TMEM132A: variants seen among roughly 807,000 people sequenced by gnomAD.
TMEM132A encodes the protein GRP78-binding protein.
A neutral mutation model predicts 69.9 loss-of-function variants in TMEM132A; 48 were observed. That is an observed-to-expected ratio of 0.69 (90% CI 0.55 to 0.87). TMEM132A has a LOEUF of 0.87. Ranked by LOEUF, TMEM132A falls within the 40% of genes least tolerant of loss-of-function variation. The pLI, the probability that TMEM132A is intolerant of heterozygous loss-of-function variation, is 0.00. For synonymous variants in TMEM132A, 577 were observed against 613.7 expected, an observed-to-expected ratio of 0.94 and a Z score of 0.88; for missense variants, 1,287 against 1,407.2, an observed-to-expected ratio of 0.91 and a Z score of 1.37.
rs761514858 is a variant in TMEM132A, at chr11:60,934,590, C to T, written c.1662C>T (p.Phe554=). Residue 554 remains phenylalanine, a synonymous_variant, in exon 9 of 11, where the codon TTC becomes TTT. Transcript: ENST00000453848. ...CCGGTGTGCGCTTCCTCGCCCCCTT[C>T]GCGGCCCACCCGCTGGACGGCGGCC... The part of the protein sequence containing the change: ...QRAGVRFLAP[F]AAHPLDGGRR... 1.9e-6 allele frequency: 3 copies of T among 1,562,794 alleles called. No homozygotes were observed. The highest frequency in any genetic ancestry group is 2.7e-5 in the African/African-American group (2 of 74,142).
chr11:60,924,842 G>A (rs1258604997), intron 1 of TMEM132A, 109 bp downstream of exon 1: 2 of 810,222 alleles, frequency 2.5e-6, no homozygotes, highest in Non-Finnish European at 1.8e-6. Context: ...AACCCTGAGC[G>A]GGGTCGCCCC....
chr11:60,927,386 C>T lies in TMEM132A; in HGVS notation c.283C>T (p.Arg95Trp), dbSNP rs773906622. Residue 95 changes from arginine (R) to tryptophan (W), a missense_variant, in exon 2 of 11, where the codon CGG becomes TGG. Arg to Trp is a moderately radical substitution (Grantham distance 101). Coordinates refer to ENST00000453848, the MANE Select transcript of TMEM132A (RefSeq NM_178031.3). ...CTGGCCCAGGGCCCAGCCACTTCTCCGGGCCTCCTACCCACCTTTTGCCAC... is the reference window on the plus strand; with the variant it reads ...CTGGCCCAGGGCCCAGCCACTTCTCTGGGCCTCCTACCCACCTTTTGCCAC... ...QPWPRAQPLL[R>W]ASYPPFATQQ... The T allele has an allele frequency of 5.3e-5, 85 of 1,613,188 alleles. No individual in the cohort carries two copies. The highest frequency in any genetic ancestry group is 3.7e-4 in the South Asian group (34 of 91,064).
chr11:60,927,140 G>A (rs1242096069), intron 1 of TMEM132A, 64 bp from the exon 2 acceptor site: 2 of 1,411,774 alleles, frequency 1.4e-6, no homozygotes, highest in Admixed American at 3.3e-5. Context: ...CCCCAGCATG[G>A]CACCCGGGTC....
rs1856564065 is a variant in TMEM132A, at chr11:60,935,186, G to A, written c.1837-66G>A. The A allele has an allele frequency of 1.1e-5, 16 of 1,481,928 alleles. No homozygotes were observed. Among genetic ancestry groups the A allele is most frequent in the South Asian group, 4.9e-5 (4 of 80,948 alleles). The allele number at this position is 1,481,928 out of a possible 1,614,324, so 91.8% of individuals were successfully genotyped here. A position where few individuals can be genotyped will look rare whatever the true frequency, so the allele number is the denominator to read the frequency against. Reference sequence around the variant, plus strand: ...GCCCGTGAGGGTGCTGGGAGCACCCGGTTCCCTCTGGGTGGGGGCTGTCTG... The same window carrying A: ...GCCCGTGAGGGTGCTGGGAGCACCCAGTTCCCTCTGGGTGGGGGCTGTCTG... On this transcript the variant is annotated intron_variant, in intron 9 of 10. Transcript: ENST00000453848. This position sits in a 1 kb window ranked among gnomAD's most constrained non-coding sequence, Gnocchi z 5.0.
chr11:60,931,401 C>T (rs1856477658), intron 5 of TMEM132A, among the ~76,000 whole-genome samples: 1 of 152,102 alleles, frequency 6.6e-6, no homozygotes, highest in African/African-American at 2.4e-5. Context: ...GGAAGCGGGC[C>T]CGGGCAGGCA....
At position 60,927,371 on chromosome 11, in the gene TMEM132A, G is replaced by A. The variant is rs76466797; in HGVS notation, c.268G>A (p.Ala90Thr). 29 of 1,611,728 alleles carry A rather than the reference G, an allele frequency of 1.8e-5. No homozygotes were observed. Among genetic ancestry groups the A allele is most frequent in the Non-Finnish European group, 2.3e-5 (27 of 1,179,808 alleles). Reference protein sequence around the residue: ...TFLLLQPWPRAQPLLRASYPP... With the variant: ...TFLLLQPWPRTQPLLRASYPP... ...TCTGCTCCTACAGCCCTGGCCCAGG[G>A]CCCAGCCACTTCTCCGGGCCTCCTA... The change falls in exon 2 of 11, where the codon GCC (alanine) becomes ACC (threonine). Residue 90 changes from alanine to threonine, a missense_variant. Transcript: ENST00000453848.
At position 60,936,249 on chromosome 11, in the gene TMEM132A, C is replaced by T. The variant is rs769409098; in HGVS notation, c.2414C>T (p.Thr805Ile). The T allele has an allele frequency of 1.2e-6, 2 of 1,614,040 alleles. No homozygotes were observed. The highest frequency in any genetic ancestry group is 1.7e-6 in the Non-Finnish European group (2 of 1,179,994). ...RQVAGSVGGNTGVRGKFERAE... is the reference protein window; with the variant it reads ...RQVAGSVGGNIGVRGKFERAE... The stretch of plus-strand genomic sequence containing the variant: ...GTGGCAGGCAGTGTCGGGGGCAACA[C>T]AGGTGTGAGGGGCAAGTTTGAGCGG... The change falls in exon 11 of 11, where the codon ACA becomes ATA. Residue 805 changes from threonine (T) to isoleucine (I), a missense_variant. Thr to Ile is a moderately conservative substitution (Grantham distance 89). Coordinates refer to ENST00000453848, the MANE Select transcript of TMEM132A (RefSeq NM_178031.3).
In TMEM132A at chr11:60,928,689, T is replaced by A; in HGVS notation, c.595T>A (p.Ser199Thr). ...TCCCTCGCACTGGTTCTCACAGGCC[T>A]CCACCACACGGGCCGAGCTGGCCTA... ...ELPSHWFSQA[S>T]TTRAELAYTL... Residue 199 changes from serine (S) to threonine (T), a missense_variant, in exon 4 of 11, where the codon TCC becomes ACC. Ser to Thr is a moderately conservative substitution (Grantham distance 58). Transcript: ENST00000453848. 6.2e-7 allele frequency: 1 copy of A among 1,611,014 alleles called. No homozygotes were observed. Among genetic ancestry groups the A allele is most frequent in the Non-Finnish European group, 8.5e-7 (1 of 1,179,780 alleles).
rs1031003562 is a variant in TMEM132A, at chr11:60,932,067, G to A, written c.1296G>A (p.Gly432=). 3 of 1,585,808 alleles carry A rather than the reference G, an allele frequency of 1.9e-6. No individual in the cohort carries two copies. Among genetic ancestry groups the A allele is most frequent in the Admixed American group, 3.6e-5 (2 of 55,424 alleles). The change falls in exon 7 of 11, where the codon GGG becomes GGA. Residue 432 remains glycine (G), a synonymous_variant. Transcript: ENST00000453848. ...GCCTTGTCACTGTGGACGGCGGGGG[G>A]GCCTTGGTGGAGGTGACAGAGCATG... ...PVRLVTVDGG[G]ALVEVTEHVG...
At chr11:60,929,022 G>T (rs1856418177) in intron 4 of TMEM132A, 62 bp downstream of exon 4, 1 of 1,548,116 alleles carries the variant, frequency 6.5e-7, no homozygotes, top group African/African-American at 1.4e-5. Context: ...CTAGGGACAG[G>T]TACCTGCTCC....
rs542624683 is a variant in TMEM132A at position 60,932,141 on chromosome 11, G to A, written c.1356+14G>A. ...CAGGTCCTGCAGGTGAGTGGCAGGTGCCCAGCTCATGTGAGTCTGCATTTG... is the reference window on the plus strand; with the variant it reads ...CAGGTCCTGCAGGTGAGTGGCAGGTACCCAGCTCATGTGAGTCTGCATTTG... On this transcript the variant is annotated intron_variant, in intron 7 of 10. Coordinates refer to ENST00000453848, the MANE Select transcript of TMEM132A (RefSeq NM_178031.3). The A allele has an allele frequency of 1.3e-6, 2 of 1,524,090 alleles. No individual in the cohort carries two copies. The highest frequency in any genetic ancestry group is 1.3e-5 in the South Asian group (1 of 75,788). 94.4% of individuals were successfully genotyped at this position (1,524,090 alleles called of 1,614,324 possible). A position where few individuals can be genotyped will look rare whatever the true frequency, so the allele number is the denominator to read the frequency against.
intron 7 of TMEM132A, chr11:60,933,269 G>A (rs538634592): frequency 3.1e-5 from 15 of 491,442 alleles, no homozygotes; most frequent in Middle Eastern, 5.3e-4. Context: ...TGCAGTCTCA[G>A]CTACCCAGGC....
chr11:60,925,336 GGC>G (rs137934064), intron 1 of TMEM132A: 1 of 152,814 alleles, frequency 6.5e-6, no homozygotes, highest in Non-Finnish European at 1.5e-5. Flanking sequence ...GGACTCCCTT[GGC>G]CTGGGCTAGC....
chr11:60,935,128 C>G lies in TMEM132A; in HGVS notation c.1837-124C>G. 2.3e-6 allele frequency: 2 copies of G among 876,512 alleles called. No individual in the cohort carries two copies. The highest frequency in any genetic ancestry group is 3.5e-6 in the Non-Finnish European group (2 of 571,294). 54.3% of individuals were successfully genotyped at this position (876,512 alleles called of 1,614,324 possible). A position where few individuals can be genotyped will look rare whatever the true frequency, so the allele number is the denominator to read the frequency against. On this transcript the variant is annotated intron_variant, in intron 9 of 10. Coordinates refer to ENST00000453848, the MANE Select transcript of TMEM132A (RefSeq NM_178031.3). The surrounding 1 kb of genome is among the most constrained non-coding windows in gnomAD (Gnocchi z 5.0). ...CGGTTCCCTCTGGGTGGGGGCTGTCCGTGGCGAAGACCTCCCCCACCTCCG... is the reference window on the plus strand; with the variant it reads ...CGGTTCCCTCTGGGTGGGGGCTGTCGGTGGCGAAGACCTCCCCCACCTCCG...
rs202064246 is a variant in TMEM132A, at chr11:60,928,757, C to T, written c.663C>T (p.Ser221=). Residue 221 remains serine (S), a synonymous_variant, in exon 4 of 11, where the codon TCC becomes TCT. Transcript: ENST00000453848. ...PAAEGPGGCG[S]GEENDPGEQA... Reference sequence around the variant, plus strand: ...CTGAGGGCCCTGGGGGCTGTGGCTCCGGCGAGGAGAACGACCCTGGGGAGC... The same window carrying T: ...CTGAGGGCCCTGGGGGCTGTGGCTCTGGCGAGGAGAACGACCCTGGGGAGC... 35 of 1,608,540 alleles carry T rather than the reference C, an allele frequency of 2.2e-5. No homozygotes were observed. The highest frequency in any genetic ancestry group is 2.0e-4 in the East Asian group (9 of 44,780).
At position 60,936,479 on chromosome 11, in the gene TMEM132A, G is replaced by C. The variant is rs377697796; in HGVS notation, c.2644G>C (p.Asp882His). 1 of 1,614,112 alleles carries C rather than the reference G, an allele frequency of 6.2e-7. No individual in the cohort carries two copies. Among genetic ancestry groups the C allele is most frequent in the Admixed American group, 1.7e-5 (1 of 60,020 alleles). The change falls in exon 11 of 11, where the codon GAC becomes CAC. Residue 882 changes from aspartate to histidine, a missense_variant. Coordinates refer to ENST00000453848, the MANE Select transcript of TMEM132A (RefSeq NM_178031.3). ...VLRYQRKEPPDSATDPTSPQP... is the reference protein window; with the variant it reads ...VLRYQRKEPPHSATDPTSPQP... The stretch of plus-strand genomic sequence containing the variant: ...GCGCTATCAGCGCAAAGAACCTCCC[G>C]ACAGTGCCACTGACCCCACCTCCCC...
chr11:60,927,996 T>C (rs1049524616), intron 3 of TMEM132A, 137 bp downstream of exon 3: 1 of 690,488 alleles, frequency 1.4e-6, no homozygotes, highest in Non-Finnish European at 2.4e-6. Flanking sequence ...CTGCCCCCAC[T>C]AGCTTTCAGT....
Position 60,927,346 on chromosome 11 carries a change from T to G in TMEM132A, c.243T>G (p.Phe81Leu), listed in dbSNP as rs200931303. The change falls in exon 2 of 11, where the codon TTT becomes TTG. Residue 81 changes from phenylalanine to leucine, a missense_variant. By Grantham distance (22) the Phe-to-Leu change is conservative. Coordinates refer to ENST00000453848, the MANE Select transcript of TMEM132A (RefSeq NM_178031.3). ...CTCTGAGCTCCCGATCTGAGACCTTTCTGCTCCTACAGCCCTGGCCCAGGG... is the reference window on the plus strand; with the variant it reads ...CTCTGAGCTCCCGATCTGAGACCTTGCTGCTCCTACAGCCCTGGCCCAGGG... ...NSSLSSRSET[F>L]LLLQPWPRAQ... 3.4e-5 allele frequency: 55 copies of G among 1,613,176 alleles called. No individual in the cohort carries two copies. The highest frequency in any genetic ancestry group is 4.5e-5 in the Non-Finnish European group (53 of 1,179,974).
intron 8 of TMEM132A, chr11:60,934,003 G>T (rs757362539): frequency 1.7e-5 from 9 of 533,916 alleles, no homozygotes; most frequent in Non-Finnish European, 2.0e-5. Context: ...GTCAGTACTG[G>T]TTAATGTTGC....
Sources: gnomAD v4.1 joint callset for allele counts (sites outside exome capture counted in the v4.1 genomes callset) on GRCh38, gnomAD v4.1.1 for gene constraint, Gnocchi (gnomAD v3.1) non-coding constraint, MANE v1.5 for transcripts, NCBI Gene and HGNC (gene_info 2026-07-23, HGNC 2026-07-21) for gene names.